The following GULP1 variants were observed in gnomAD, a reference collection of about 807,000 sequenced individuals.
GULP1 encodes PTB domain-containing engulfment adapter protein 1.
A neutral mutation model predicts 40.9 loss-of-function variants in GULP1; 19 were observed. That is an observed-to-expected ratio of 0.46 (90% CI 0.32 to 0.68). GULP1 has a LOEUF of 0.68. Ranked by LOEUF, GULP1 falls within the 30% of genes least tolerant of loss-of-function variation. The pLI is 0.03. For missense variants in GULP1, 312 were observed against 362.2 expected, an observed-to-expected ratio of 0.86 and a Z score of 1.12; for synonymous variants, 119 against 117.6, an observed-to-expected ratio of 1.01 and a Z score of -0.08.
chr2:188,567,379 C>A (rs1311910221), intron 7 of GULP1, among the ~76,000 whole-genome samples: 1 of 152,128 alleles, frequency 6.6e-6, no homozygotes, highest in Non-Finnish European at 1.5e-5. Flanking sequence ...TTGGAACCAA[C>A]CCAAATGCCC....
chr2:188,508,163 A>G (rs1296246005), intron 4 of GULP1, among the ~76,000 whole-genome samples: 1 of 151,994 alleles, frequency 6.6e-6, no homozygotes, highest in Non-Finnish European at 1.5e-5. Context: ...GGAAAATCAA[A>G]TAGAATCAGC....
At chr2:188,458,575 A>G (rs2059453433) in intron 2 of GULP1, among the ~76,000 whole-genome samples, 1 of 152,108 alleles carries the variant, frequency 6.6e-6, no homozygotes, top group Non-Finnish European at 1.5e-5. Context: ...GTATATATTT[A>G]TGGGGTACAT....
intron 2 of GULP1, among the ~76,000 whole-genome samples, chr2:188,406,981 GAC>G (rs1491505905): frequency 6.6e-6 from 1 of 152,054 alleles, no homozygotes; most frequent in African/African-American, 2.4e-5. Flanking sequence ...GAAAATCAAA[GAC>G]AGAGAATCCT....
At chr2:188,404,584 G>A (rs1319753929) in intron 2 of GULP1, among the ~76,000 whole-genome samples, 1 of 152,166 alleles carries the variant, frequency 6.6e-6, no homozygotes, top group Non-Finnish European at 1.5e-5. Flanking sequence ...CACAAGGCCT[G>A]CCCTGGTACC....
At chr2:188,564,674 T>G (rs992086681) in intron 7 of GULP1, among the ~76,000 whole-genome samples, 1 of 151,952 alleles carries the variant, frequency 6.6e-6, no homozygotes. Context: ...AATACAATTC[T>G]GATTAAAATC....
chr2:188,538,673 G>T (rs1056159329), intron 6 of GULP1, among the ~76,000 whole-genome samples: 3 of 149,298 alleles, frequency 2.0e-5, no homozygotes, highest in Non-Finnish European at 4.4e-5. Context: ...ATTGCGGTAT[G>T]TGTGTGTGAG....
intron 1 of GULP1, among the ~76,000 whole-genome samples, chr2:188,342,537 G>A (rs1257673809): frequency 6.6e-6 from 1 of 152,002 alleles, no homozygotes; most frequent in Admixed American, 6.5e-5. Context: ...AGATACCGGG[G>A]GTTAGGACTT....
At chr2:188,407,338 A>G (rs2053257837) in intron 2 of GULP1, among the ~76,000 whole-genome samples, 1 of 152,224 alleles carries the variant, frequency 6.6e-6, no homozygotes, top group Non-Finnish European at 1.5e-5. Context: ...AAAAGTAAAT[A>G]CACAGTCTAA....
intron 2 of GULP1, among the ~76,000 whole-genome samples, chr2:188,463,991 C>T (rs1334357360): frequency 6.6e-6 from 1 of 152,082 alleles, no homozygotes; most frequent in African/African-American, 2.4e-5. Context: ...TCACATATCT[C>T]TGTTTCTCCA....
At chr2:188,582,343 G>A in intron 9 of GULP1, 1 of 470,938 alleles carries the variant, frequency 2.1e-6, no homozygotes, top group Non-Finnish European at 4.4e-6. Flanking sequence ...CTTTACAGCT[G>A]CTGCACAATA....
At chr2:188,378,760 G>A (rs2048632558) in intron 1 of GULP1, among the ~76,000 whole-genome samples, 1 of 152,082 alleles carries the variant, frequency 6.6e-6, no homozygotes, top group African/African-American at 2.4e-5. Flanking sequence ...CCATTCATGA[G>A]GGATCTGCCC....
chr2:188,489,529 T>C (rs1025238643), intron 4 of GULP1, among the ~76,000 whole-genome samples: 12 of 152,036 alleles, frequency 7.9e-5, no homozygotes, highest in Non-Finnish European at 1.2e-4. Context: ...AATGCTAATA[T>C]ATATCATTTA....
chr2:188,466,291 T>TCC (rs1321525912), intron 2 of GULP1, among the ~76,000 whole-genome samples: 5,182 of 146,946 alleles, frequency 0.035, 199 homozygotes, highest in African/African-American at 0.1. Flanking sequence ...TGGTTTTTTT[T>TCC]TCCCCCCCCG....
At chr2:188,357,257 A>G (rs1441213588) in intron 1 of GULP1, among the ~76,000 whole-genome samples, 1 of 152,204 alleles carries the variant, frequency 6.6e-6, no homozygotes, top group Non-Finnish European at 1.5e-5. Flanking sequence ...AACCATCAAC[A>G]AAGTTAAAAG....
chr2:188,469,847 C>T (rs1182412216), intron 2 of GULP1, among the ~76,000 whole-genome samples: 4 of 152,084 alleles, frequency 2.6e-5, no homozygotes, highest in African/African-American at 9.7e-5. Context: ...TTGTATGATG[C>T]AGCACACTGA....
chr2:188,457,367 G>A (rs899874694), intron 2 of GULP1, among the ~76,000 whole-genome samples: 1 of 152,066 alleles, frequency 6.6e-6, no homozygotes, highest in African/African-American at 2.4e-5. Context: ...TTGAATTATG[G>A]GGGTGGCTCT....
At chr2:188,440,405 G>A (rs1293571131) in intron 2 of GULP1, among the ~76,000 whole-genome samples, 1 of 152,096 alleles carries the variant, frequency 6.6e-6, no homozygotes, top group Non-Finnish European at 1.5e-5. Context: ...AAGGTTACAC[G>A]GGGCATTAAT....
chr2:188,458,079 G>A (rs2059409665), intron 2 of GULP1, among the ~76,000 whole-genome samples: 1 of 152,074 alleles, frequency 6.6e-6, no homozygotes, highest in Non-Finnish European at 1.5e-5. Context: ...GCAATTAGAA[G>A]AGAAATTCTA....
intron 1 of GULP1, among the ~76,000 whole-genome samples, chr2:188,305,285 A>G (rs968523728): frequency 7.9e-5 from 12 of 152,216 alleles, no homozygotes; most frequent in Non-Finnish European, 1.5e-4. Context: ...AAGAACCTCT[A>G]CATGTTCAGC....
Sources: allele counts gnomAD v4.1 joint callset (sites outside exome capture counted in the v4.1 genomes callset), GRCh38; gene constraint gnomAD v4.1.1; transcripts MANE v1.5; gene names NCBI Gene and HGNC (gene_info 2026-07-23, HGNC 2026-07-21).